Variants in CHAF1A observed in about 807,000 individuals in gnomAD.
CHAF1A encodes the protein chromatin assembly factor 1 subunit A.
Under a neutral mutation model 93.2 loss-of-function variants are expected in CHAF1A, and 5 were observed. The ratio of observed to expected loss-of-function variants is 0.05; its 90% CI spans 0.03 to 0.11. CHAF1A has a LOEUF of 0.11. CHAF1A is among the 10% of genes least tolerant of loss of function. CHAF1A has a pLI of 1.00. For missense variants in CHAF1A, 1,102 were observed against 1,259.9 expected (o/e 0.87, Z 1.90); for synonymous variants, 504 against 510.3 (o/e 0.99, Z 0.17).
intron 10 of CHAF1A, chr19:4,430,241 G>A (rs760689232): frequency 1.6e-4 from 58 of 361,304 alleles, no homozygotes; most frequent in Non-Finnish European, 2.5e-4. Flanking sequence ...GCAGTGGCGC[G>A]ATTTCGGCTC....
downstream of CHAF1A, chr19:4,445,933 T>G (rs773351095): frequency 4.1e-6 from 6 of 1,472,088 alleles, no homozygotes; most frequent in Non-Finnish European, 5.4e-6. Context: ...CCCAGGGACC[T>G]GCCCAGGCCC....
In CHAF1A at chr19:4,432,052, C is replaced by A. The variant is rs1437416830; in HGVS notation, c.2048C>A (p.Pro683His). The stretch of plus-strand genomic sequence containing the variant: ...GGGAAGCGCTTTCGCGTCCTGCAAC[C>A]TGTGAAGATCGGCTGCGTGTGGGCG... ...AKGKRFRVLQ[P>H]VKIGCVWAAD... The change falls in exon 12 of 15, where the codon CCT (proline) becomes CAT (histidine). Residue 683 changes from proline to histidine, a missense_variant. Physicochemically the swap from Pro to His is moderately conservative, Grantham distance 77 (BLOSUM62 -2). This residue lies in a region of CHAF1A where 335 missense variants were observed against 361.9 expected (regional missense o/e 0.93). Transcript: ENST00000301280. 23 of 1,614,146 alleles carry A rather than the reference C, an allele frequency of 1.4e-5. No individual in the cohort carries two copies. Among genetic ancestry groups the A allele is most frequent in the Non-Finnish European group, 1.9e-5 (22 of 1,180,026 alleles).
At chr19:4,419,927 G>A (rs969543449) in intron 4 of CHAF1A, among the ~76,000 whole-genome samples, 8 of 152,120 alleles carry the variant, frequency 5.3e-5, no homozygotes, top group Non-Finnish European at 7.3e-5. Flanking sequence ...TCTTCACCCA[G>A]TTATGTTTAT....
At chr19:4,408,806 T>C (rs554443155) in intron 2 of CHAF1A, 97 bp from the exon 3 acceptor site, 15 of 1,442,340 alleles carry the variant, frequency 1.0e-5, no homozygotes, top group African/African-American at 1.0e-4. Context: ...TAAAATTATC[T>C]CCCACCCCCA....
rs139270820 is a variant in CHAF1A, at chr19:4,408,285, C to T, written c.104-618C>T. On this transcript the variant is annotated intron_variant, in intron 2 of 14. Transcript: ENST00000301280. ...TCAGCTCACTGCAGGCTCCGCCCCC[C>T]GGGTTCACACCATTCTCCTGCCTCA... Among the ~76,000 whole-genome samples the T allele has an allele frequency of 8.5e-3, 1,280 of 150,738 alleles. 22 individuals carry two copies. Among genetic ancestry groups the T allele is most frequent in the African/African-American group, 0.029 (1,201 of 40,898 alleles).
rs573779621 is a variant in CHAF1A, at chr19:4,423,375, C to T, written c.1288C>T (p.Arg430Trp). 6 of 1,613,848 alleles carry T rather than the reference C, an allele frequency of 3.7e-6. No individual in the cohort carries two copies. The highest frequency in any genetic ancestry group is 4.2e-6 in the Non-Finnish European group (5 of 1,179,902). The stretch of plus-strand genomic sequence containing the variant: ...AAAAAGGAAAAAGGAAGAAGAGAAA[C>T]GGTTAAGAGAAGAAGAGAAGGTAGA... ...EEKRKKEEEK[R>W]LREEEKRIKA... Residue 430 changes from arginine (R) to tryptophan (W), a missense_variant, in exon 6 of 15, where the codon CGG becomes TGG. This residue lies in a region of CHAF1A where 165 missense variants were observed against 243.9 expected (regional missense o/e 0.68). Transcript: ENST00000301280.
At chr19:4,424,135 T>A (rs565469184) in intron 7 of CHAF1A, among the ~76,000 whole-genome samples, 1 of 152,242 alleles carries the variant, frequency 6.6e-6, no homozygotes, top group Admixed American at 6.5e-5. Context: ...GTGTTAGGCG[T>A]AAGAGAAATT....
downstream of CHAF1A, chr19:4,447,265 A>G (rs1599674606): frequency 1.9e-5 from 11 of 564,900 alleles, no homozygotes; most frequent in East Asian, 2.9e-4. Flanking sequence ...TGCATGAGAA[A>G]CCTCCCCAGA....
rs972545082 is a variant in CHAF1A at position 4,433,062 on chromosome 19, C to T, written c.2204-8C>T. On this transcript the variant is annotated splice_region_variant and splice_polypyrimidine_tract_variant and intron_variant, in intron 12 of 14. Coordinates refer to ENST00000301280, the MANE Select transcript of CHAF1A (RefSeq NM_005483.3). The surrounding 1 kb of genome is among the most constrained non-coding windows in gnomAD (Gnocchi z 5.6). ...AGCCTCATGCCCACCCATGTTCCCT[C>T]CTGCCAGTCCTGGCCCAGCTGCTGC... 11 of 1,542,866 alleles carry T rather than the reference C, an allele frequency of 7.1e-6. No homozygotes were observed. In the African/African-American group the frequency reaches 1.2e-4, roughly 17 times the overall value.
chr19:4,449,831 A>T (rs1974618316), downstream of CHAF1A: 1 of 152,168 alleles, frequency 6.6e-6, no homozygotes, highest in African/African-American at 2.4e-5. Context: ...GATCTAAAAA[A>T]AAAATTACAT....
chr19:4,419,376 G>T (rs1244901353), intron 4 of CHAF1A, among the ~76,000 whole-genome samples: 1 of 151,990 alleles, frequency 6.6e-6, no homozygotes, highest in African/African-American at 2.4e-5. Context: ...CGTTTCCTGA[G>T]CTTCCTGATG....
downstream of CHAF1A, chr19:4,448,787 T>C (rs1284668039): frequency 1.2e-5 from 3 of 252,918 alleles, no homozygotes; most frequent in Admixed American, 5.0e-5. Flanking sequence ...CCCGCCACCA[T>C]GGACGCCCCA....
intron 1 of CHAF1A, 45 bp from the exon 2 acceptor site, chr19:4,405,867 A>G (rs1265840432): frequency 8.3e-6 from 13 of 1,566,144 alleles, no homozygotes; most frequent in Non-Finnish European, 1.1e-5. Flanking sequence ...TAACTTGATT[A>G]TTTGCAGAAT....
At chr19:4,406,932 A>G (rs1296420896) in intron 2 of CHAF1A, among the ~76,000 whole-genome samples, 1 of 151,900 alleles carries the variant, frequency 6.6e-6, no homozygotes, top group Non-Finnish European at 1.5e-5. Flanking sequence ...CTCTTGAAAA[A>G]AAGGGGGACG....
At chr19:4,444,108 G>A (rs117229594), downstream of CHAF1A, among the ~76,000 whole-genome samples, 2,841 of 152,260 alleles carry the variant, frequency 0.019, 34 homozygotes, top group Middle Eastern at 0.024. Context: ...AGGGGCTCCC[G>A]ACAACCCGGA....
At chr19:4,426,167 C>CTTT (rs57040531) in intron 7 of CHAF1A, among the ~76,000 whole-genome samples, 2 of 95,624 alleles carry the variant, frequency 2.1e-5, no homozygotes, top group Non-Finnish European at 4.0e-5. Flanking sequence ...TGTTTACAGT[C>CTTT]TTTTTTTTTT....
Position 4,409,451 on chromosome 19 carries a change from C to A in CHAF1A, c.652C>A (p.Pro218Thr). ...PELTSGPRMC[P>T]RKEQDSWSEA... ...GCTGACGAGTGGCCCGAGAATGTGC[C>A]CCAGAAAGGAGCAGGACAGTTGGAG... Residue 218 changes from proline to threonine, a missense_variant, in exon 3 of 15, where the codon CCC (proline) becomes ACC (threonine). By Grantham distance (38) the Pro-to-Thr change is conservative. Around this residue, in one of 6 missense-constraint regions of CHAF1A, gnomAD observed 379 missense variants for 365.7 expected, o/e 1.04. Coordinates refer to ENST00000301280, the MANE Select transcript of CHAF1A (RefSeq NM_005483.3). 1 of 1,614,048 alleles carries A rather than the reference C, an allele frequency of 6.2e-7. No individual in the cohort carries two copies. The highest frequency in any genetic ancestry group is 1.3e-5 in the African/African-American group (1 of 74,990).
At chr19:4,437,273 G>C (rs1974302306) in intron 13 of CHAF1A, among the ~76,000 whole-genome samples, 1 of 152,172 alleles carries the variant, frequency 6.6e-6, no homozygotes, top group South Asian at 2.1e-4. Context: ...TTCAGAGCTT[G>C]TGTGGGGAGG....
chr19:4,442,868 CCCCAGGGAG>C (rs1209458432), intron 14 of CHAF1A, 48 bp from the exon 15 acceptor site: 20 of 1,341,440 alleles, frequency 1.5e-5, no homozygotes, highest in East Asian at 7.5e-5. Flanking sequence ...TGGGGTCTTC[CCCCAGGGAG>C]CCCAGAGGGC....
Sources: allele counts gnomAD v4.1 joint callset (sites outside exome capture counted in the v4.1 genomes callset), GRCh38; gene constraint gnomAD v4.1.1; regional missense constraint gnomAD v4.1.1; non-coding constraint Gnocchi (gnomAD v3.1); transcripts MANE v1.5; gene names NCBI Gene and HGNC (gene_info 2026-07-23, HGNC 2026-07-21).